Variants in CFAP74 observed in about 807,000 individuals in gnomAD.
CFAP74 encodes cilia and flagella associated protein 74.
CFAP74 carries 124 observed loss-of-function variants against 188.9 expected under a neutral mutation model. The ratio of observed to expected loss-of-function variants is 0.66; its 90% CI spans 0.57 to 0.76. The LOEUF (loss-of-function observed/expected upper bound fraction) is 0.76. Among genes scored for constraint, CFAP74 ranks in the 30% least tolerant of loss-of-function variants. The pLI is 0.00. For synonymous variants in CFAP74, 956 were observed against 916.7 expected (o/e 1.04, Z -0.77); for missense variants, 2,198 against 2,165.2 (o/e 1.02, Z -0.30).
At chr1:1,965,761 C>T (rs1655424792) in intron 12 of CFAP74, among the ~76,000 whole-genome samples, 1 of 152,210 alleles carries the variant, frequency 6.6e-6, no homozygotes. Context: ...TGTTCACCAC[C>T]CTGGTCAGCC....
At chr1:1,931,610 G>A (rs1436080473) in intron 25 of CFAP74, among the ~76,000 whole-genome samples, 9 of 142,958 alleles carry the variant, frequency 6.3e-5, no homozygotes, top group Non-Finnish European at 1.1e-4. Flanking sequence ...GCTGGCGGGC[G>A]CCTGTAGTCC....
chr1:1,959,823 T>C (rs1018655937), intron 15 of CFAP74, 141 bp downstream of exon 15: 25 of 669,936 alleles, frequency 3.7e-5, no homozygotes, highest in Non-Finnish European at 6.1e-5. Flanking sequence ...GGAAGTAAAA[T>C]AGCAAAACAG....
chr1:1,946,407 G>A lies in CFAP74; in HGVS notation c.2274C>T (p.Ser758=). ...GAGTGAAGACGATGGGCACCTTGAT[G>A]GAGCTGAAGGGGCCAATTTCCCCTT... The part of the protein sequence containing the change: ...VTEGEIGPFS[S]IKVPIVFTPV... The change falls in exon 20 of 39, where the codon TCC becomes TCT. Residue 758 remains serine, a synonymous_variant. Coordinates refer to ENST00000682832, the MANE Select transcript of CFAP74 (RefSeq NM_001304360.2). 2.0e-6 allele frequency: 3 copies of A among 1,536,960 alleles called. No homozygotes were observed. The highest frequency in any genetic ancestry group is 2.6e-6 in the Non-Finnish European group (3 of 1,146,746).
At chr1:1,984,251 C>T (rs931619062) in intron 6 of CFAP74, 1 of 152,182 alleles carries the variant, frequency 6.6e-6, no homozygotes, top group African/African-American at 2.4e-5. Flanking sequence ...GCCTGGGCCT[C>T]CCAAAGTGTT....
intron 18 of CFAP74, chr1:1,955,439 C>A (rs1355855777): frequency 2.0e-6 from 3 of 1,521,600 alleles, no homozygotes; most frequent in South Asian, 1.1e-5. Flanking sequence ...CCGTGCTGGG[C>A]CTGCTGGGCC....
At chr1:2,000,189 A>G (rs1025484617) in intron 1 of CFAP74, among the ~76,000 whole-genome samples, 1 of 152,208 alleles carries the variant, frequency 6.6e-6, no homozygotes, top group African/African-American at 2.4e-5. Flanking sequence ...GAAAACCTAC[A>G]AAGTAGAAGA....
chr1:1,933,437 C>T, intron 25 of CFAP74, among the ~76,000 whole-genome samples: 1 of 152,176 alleles, frequency 6.6e-6, no homozygotes, highest in Non-Finnish European at 1.5e-5. Context: ...GCCTCGGCCT[C>T]CCAAAGTGCT....
chr1:1,947,998 G>A lies in CFAP74; in HGVS notation c.2177-944C>T, dbSNP rs561728787. ...AGTAATTCTCCTGCCTCAGCCTTCC[G>A]AGTAGCTGGGATTACACGCACCTGC... is the stretch of plus-strand genomic sequence containing the variant. On this transcript the variant is annotated intron_variant, in intron 18 of 38. Transcript: ENST00000682832. 3.3e-5 allele frequency among the ~76,000 whole-genome samples: 5 copies of A among 152,096 alleles called. No individual in the cohort carries two copies. In the East Asian group the frequency reaches 5.8e-4, roughly 18 times the overall value.
chr1:1,938,137 TCACA>T (rs1299768388), intron 25 of CFAP74, among the ~76,000 whole-genome samples: 2 of 131,640 alleles, frequency 1.5e-5, no homozygotes, highest in Non-Finnish European at 3.2e-5. Flanking sequence ...AGTCACATGC[TCACA>T]CATACATGCA....
intron 25 of CFAP74, among the ~76,000 whole-genome samples, chr1:1,932,501 C>T (rs1395331696): frequency 1.3e-5 from 2 of 151,902 alleles, no homozygotes; most frequent in Non-Finnish European, 2.9e-5. Context: ...TCCCAAAGTG[C>T]TGGGATTACA....
In CFAP74 at chr1:1,990,150, A is replaced by G. The variant is rs1188196772; in HGVS notation, c.67+740T>C. Among the ~76,000 whole-genome samples the G allele has an allele frequency of 3.3e-5, 5 of 152,236 alleles. No homozygotes were observed. The East Asian group carries it at 9.6e-4, about 29-fold the overall frequency. On this transcript the variant is annotated intron_variant, in intron 2 of 38. Transcript: ENST00000682832. ...AGCTTTAATTTTTGATACAGTAAGT[A>G]TGGAAAGATACAGGCAACATAAACA... is the stretch of plus-strand genomic sequence containing the variant.
rs770802995 is a variant in CFAP74, at chr1:1,942,028, C to T, written c.2615G>A (p.Arg872Gln). ...CCGGCCTTGGCGTCCTGGCACCTAC[C>T]GCGGCAGGAACTTGAGCTGCACGGA... ...SYSVQLKFLP[R>Q]HSLPEDAGRY... Residue 872 changes from arginine to glutamine, a missense_variant and splice_region_variant, in exon 22 of 39, where the codon CGA becomes CAA. Physicochemically the swap from Arg to Gln is conservative, Grantham distance 43 (BLOSUM62 1). Transcript: ENST00000682832. This position sits in a 1 kb window ranked among gnomAD's most constrained non-coding sequence, Gnocchi z 4.3. The T allele has an allele frequency of 3.0e-5, 45 of 1,497,662 alleles. 1 individual carries two copies. Among genetic ancestry groups the T allele is most frequent in the South Asian group, 7.7e-5 (6 of 77,888 alleles). The allele number at this position is 1,497,662 out of a possible 1,614,324, so 92.8% of individuals were successfully genotyped here.
intron 18 of CFAP74, among the ~76,000 whole-genome samples, chr1:1,948,903 C>CTCCCTCCTTCCCT (rs1653976390): frequency 2.1e-5 from 1 of 47,796 alleles, no homozygotes; most frequent in Non-Finnish European, 4.9e-5. Context: ...CCCTCCTTCC[C>CTCCCTCCTTCCCT]TTCCTTCCTT....
At position 1,927,686 on chromosome 1, in the gene CFAP74, G is replaced by A. The variant is rs1397056704; in HGVS notation, c.3448C>T (p.Arg1150Ter). The part of the protein sequence containing the change: ...DLHGLSFSVL[R>*]AQNRDKLFKV... ...AACAGCTTGTCGCGGTTCTGTGCTCGAAGAACGGAGAATGACAGTCCATGC... is the reference window on the plus strand; with the variant it reads ...AACAGCTTGTCGCGGTTCTGTGCTCAAAGAACGGAGAATGACAGTCCATGC... Residue 1150 changes from arginine (R) to a stop codon, truncating the protein, a stop_gained, in exon 28 of 39, where the codon CGA becomes TGA. Coordinates refer to ENST00000682832, the MANE Select transcript of CFAP74 (RefSeq NM_001304360.2). LOFTEE classifies it high-confidence loss of function. 7 of 1,550,206 alleles carry A rather than the reference G, an allele frequency of 4.5e-6. No homozygotes were observed. Among genetic ancestry groups the A allele is most frequent in the East Asian group, 2.4e-5 (1 of 40,914 alleles).
At chr1:1,963,695 G>A (rs914605065) in intron 14 of CFAP74, 54 bp downstream of exon 14, 11 of 1,160,044 alleles carry the variant, frequency 9.5e-6, no homozygotes, top group South Asian at 3.8e-5. Context: ...AGGGACCTAT[G>A]AACCTCCTGC....
At chr1:1,962,278 C>A (rs1052934805) in intron 14 of CFAP74, among the ~76,000 whole-genome samples, 4 of 151,900 alleles carry the variant, frequency 2.6e-5, no homozygotes, top group Non-Finnish European at 2.9e-5. Context: ...GAGTTCATGA[C>A]CAGCCTGGCC....
At chr1:1,954,844 G>A in intron 18 of CFAP74, 1 of 1,148,446 alleles carries the variant, frequency 8.7e-7, no homozygotes, top group South Asian at 1.8e-5. Flanking sequence ...CTGTGATGCA[G>A]GCATGAGCCC....
In CFAP74 at chr1:1,956,702, AC is replaced by A; in HGVS notation, c.1933del (p.Val645LeufsTer26). On this transcript the variant is annotated frameshift_variant, in exon 17 of 39. Coordinates refer to ENST00000682832, the MANE Select transcript of CFAP74 (RefSeq NM_001304360.2). LOFTEE classifies it high-confidence loss of function. ...CTTGAAAGTCGTGCCCAAGCCCCCA[AC>A]GTTGGTCAGCGTGATGGTCCGAGAC... ...TTSRTITLTNVGGLGTTFKFL... is the reference protein window; with the variant it reads ...TTSRTITLTNXGGLGTTFKFL... The A allele has an allele frequency of 6.2e-7, 1 of 1,614,058 alleles. No homozygotes were observed. Among genetic ancestry groups the A allele is most frequent in the Non-Finnish European group, 8.5e-7 (1 of 1,179,986 alleles).
rs374913658 is a variant in CFAP74 at position 1,923,770 on chromosome 1, C to T, written c.4389+5G>A. 30 of 1,613,150 alleles carry T rather than the reference C, an allele frequency of 1.9e-5. No individual in the cohort carries two copies. The highest frequency in any genetic ancestry group is 1.6e-4 in the Middle Eastern group (1 of 6,080). Reference sequence around the variant, plus strand: ...CGGGCTGAGCTTGCAGAGCCAGAGCCGCACCTTTTCAAAGAGCACCACCTG... The same window carrying T: ...CGGGCTGAGCTTGCAGAGCCAGAGCTGCACCTTTTCAAAGAGCACCACCTG... On this transcript the variant is annotated splice_donor_5th_base_variant and intron_variant, in intron 35 of 38. Transcript: ENST00000682832. The surrounding 1 kb of genome is among the most constrained non-coding windows in gnomAD (Gnocchi z 6.3).
Sources: gnomAD v4.1 joint callset for allele counts (sites outside exome capture counted in the v4.1 genomes callset) on GRCh38, gnomAD v4.1.1 for gene constraint, Gnocchi (gnomAD v3.1) non-coding constraint, MANE v1.5 for transcripts, NCBI Gene and HGNC (gene_info 2026-07-23, HGNC 2026-07-21) for gene names.